EBF1: variants seen among roughly 807,000 people sequenced by gnomAD.
The protein encoded by EBF1 is EBF transcription factor 1.
EBF1 carries 10 observed loss-of-function variants against 68.4 expected under a neutral mutation model. The ratio of observed to expected loss-of-function variants is 0.15; its 90% CI spans 0.09 to 0.25. The LOEUF (loss-of-function observed/expected upper bound fraction) is 0.25, where lower values mean the gene tolerates loss of function less well. Ranked by LOEUF, EBF1 falls within the 10% of genes least tolerant of loss-of-function variation. The pLI is 1.00. For synonymous variants in EBF1, 298 were observed against 299.8 expected (o/e 0.99, Z 0.06); for missense variants, 509 against 794.4 (o/e 0.64, Z 4.32).
chr5:158,861,086 A>G (rs1794886129), intron 6 of EBF1, among the ~76,000 whole-genome samples: 1 of 152,180 alleles, frequency 6.6e-6, no homozygotes, highest in South Asian at 2.1e-4. Flanking sequence ...TAAAGGGGTG[A>G]TGAGTAAAAT....
At chr5:159,033,910 G>T (rs1387915468) in intron 6 of EBF1, among the ~76,000 whole-genome samples, 2 of 152,084 alleles carry the variant, frequency 1.3e-5, no homozygotes, top group Non-Finnish European at 2.9e-5. Flanking sequence ...TCTAATTTAT[G>T]GGTGTTTAAT....
Position 158,717,624 on chromosome 5 carries a change from A to G in EBF1, c.1126-3442T>C, listed in dbSNP as rs180718150. On this transcript the variant is annotated intron_variant, in intron 11 of 15. Coordinates refer to ENST00000313708, the MANE Select transcript of EBF1 (RefSeq NM_024007.5). ...AGACAATTCCAAGATAATTAATCCT[A>G]TCCTTGGATTTTTTTTTTTTAAAAA... is the stretch of plus-strand genomic sequence containing the variant. Among the ~76,000 whole-genome samples, 4 of 151,498 alleles carry G rather than the reference A, an allele frequency of 2.6e-5. No individual in the cohort carries two copies. The East Asian group carries it at 7.7e-4, about 29-fold the overall frequency.
At chr5:158,863,771 C>A (rs31200) in intron 6 of EBF1, among the ~76,000 whole-genome samples, 26,898 of 152,078 alleles carry the variant, frequency 0.18, 2,428 homozygotes, top group African/African-American at 0.2. Context: ...ACAATAAATA[C>A]AAACTCTATA....
intron 6 of EBF1, among the ~76,000 whole-genome samples, chr5:158,896,672 G>A (rs1473479133): frequency 6.6e-6 from 1 of 152,170 alleles, no homozygotes; most frequent in Non-Finnish European, 1.5e-5. Flanking sequence ...ACACACATAG[G>A]ATAAAGTCAC....
intron 6 of EBF1, among the ~76,000 whole-genome samples, chr5:158,935,033 C>T (rs1013830156): frequency 9.2e-5 from 14 of 152,340 alleles, no homozygotes; most frequent in Admixed American, 3.3e-4. Flanking sequence ...TAAGATGTAA[C>T]TGACTACACT....
intron 6 of EBF1, among the ~76,000 whole-genome samples, chr5:158,975,230 C>A (rs1756485049): frequency 6.6e-6 from 1 of 152,154 alleles, no homozygotes; most frequent in African/African-American, 2.4e-5. Context: ...AACCCAGTCT[C>A]CTACACCTCC....
intron 6 of EBF1, among the ~76,000 whole-genome samples, chr5:158,970,240 G>A (rs946979345): frequency 6.6e-6 from 1 of 152,054 alleles, no homozygotes; most frequent in South Asian, 2.1e-4. Flanking sequence ...ATGCAACAAC[G>A]GTCTGTTTAT....
intron 9 of EBF1, among the ~76,000 whole-genome samples, chr5:158,794,402 G>A (rs541772030): frequency 6.6e-6 from 1 of 152,132 alleles, no homozygotes; most frequent in Non-Finnish European, 1.5e-5. Context: ...TCCCTTTGCT[G>A]TTCCCAAAAC....
At chr5:158,946,611 C>T (rs533556045) in intron 6 of EBF1, among the ~76,000 whole-genome samples, 150 of 152,308 alleles carry the variant, frequency 9.8e-4, no homozygotes, top group Non-Finnish European at 1.7e-3. Context: ...TCCTGTATGA[C>T]GTGTCTGTCG....
At chr5:159,065,633 T>G (rs1267376048) in intron 6 of EBF1, among the ~76,000 whole-genome samples, 1 of 151,954 alleles carries the variant, frequency 6.6e-6, no homozygotes, top group African/African-American at 2.4e-5. Context: ...ATTCTTGATA[T>G]TGATTAAAAG....
At chr5:158,739,277 G>A (rs1280210051) in intron 10 of EBF1, among the ~76,000 whole-genome samples, 1 of 152,214 alleles carries the variant, frequency 6.6e-6, no homozygotes, top group Non-Finnish European at 1.5e-5. Flanking sequence ...GGGCTATACT[G>A]TGTCTAAAAT....
intron 6 of EBF1, among the ~76,000 whole-genome samples, chr5:158,936,875 C>G (rs1194185497): frequency 6.6e-6 from 1 of 151,402 alleles, no homozygotes; most frequent in African/African-American, 2.5e-5. Flanking sequence ...ATAGGAAGTA[C>G]CACCAAAGCA....
intron 6 of EBF1, among the ~76,000 whole-genome samples, chr5:159,004,646 T>G (rs575479652): frequency 2.0e-5 from 3 of 152,182 alleles, no homozygotes; most frequent in Non-Finnish European, 4.4e-5. Flanking sequence ...CTGCTTAGCT[T>G]GTTCTATAAT....
In EBF1 at chr5:158,698,905, C is replaced by A. The variant is rs564537880; in HGVS notation, c.*206G>T. 2 of 452,738 alleles carry A rather than the reference C, an allele frequency of 4.4e-6. No individual in the cohort carries two copies. Among genetic ancestry groups the A allele is most frequent in the Non-Finnish European group, 7.9e-6 (2 of 254,382 alleles). The allele number at this position is 452,738 out of a possible 1,614,324, so 28.0% of individuals were successfully genotyped here. A position where few individuals can be genotyped will look rare whatever the true frequency, so the allele number is the denominator to read the frequency against. On this transcript the variant is annotated 3_prime_UTR_variant, in exon 16 of 16. Coordinates refer to ENST00000313708, the MANE Select transcript of EBF1 (RefSeq NM_024007.5). ...TCCCCCAAATACTTGGGAGGTACAA[C>A]TTTAACCAACACCCTGCACTTGCAG...
chr5:159,015,811 A>G (rs1211683826), intron 6 of EBF1, among the ~76,000 whole-genome samples: 3 of 152,194 alleles, frequency 2.0e-5, no homozygotes, highest in African/African-American at 7.2e-5. Flanking sequence ...AGTTCCATTT[A>G]GCCACAAAGT....
At chr5:158,968,690 G>C (rs896581191) in intron 6 of EBF1, among the ~76,000 whole-genome samples, 1 of 152,194 alleles carries the variant, frequency 6.6e-6, no homozygotes, top group Admixed American at 6.5e-5. Context: ...AAAATGCTGT[G>C]TAAACATCAA....
intron 6 of EBF1, among the ~76,000 whole-genome samples, chr5:158,881,065 T>G (rs1201730722): frequency 2.0e-5 from 3 of 151,972 alleles, no homozygotes; most frequent in African/African-American, 4.8e-5. Flanking sequence ...AGTCACAGAC[T>G]GGGAATAAAT....
chr5:159,084,302 A>G (rs898466378), intron 5 of EBF1, among the ~76,000 whole-genome samples: 3 of 152,198 alleles, frequency 2.0e-5, no homozygotes, highest in Admixed American at 1.3e-4. Context: ...GCTGACATCA[A>G]TAGAACTCTT....
At chr5:159,082,025 C>T (rs1016082227) in intron 5 of EBF1, among the ~76,000 whole-genome samples, 2 of 152,126 alleles carry the variant, frequency 1.3e-5, no homozygotes, top group Non-Finnish European at 2.9e-5. Flanking sequence ...CCAATGGTGG[C>T]CAGTCCCTTA....
Sources: gnomAD v4.1 joint callset for allele counts (sites outside exome capture counted in the v4.1 genomes callset) on GRCh38, gnomAD v4.1.1 for gene constraint, MANE v1.5 for transcripts, NCBI Gene and HGNC (gene_info 2026-07-23, HGNC 2026-07-21) for gene names.